The following RNF121 variants were observed in gnomAD, a reference collection of about 807,000 sequenced individuals.
RNF121 encodes the protein E3 ubiquitin ligase RNF121.
Under a neutral mutation model 46.5 loss-of-function variants are expected in RNF121, and 21 were observed. The ratio of observed to expected loss-of-function variants is 0.45; its 90% CI spans 0.32 to 0.65. RNF121 has a LOEUF of 0.65. Ranked by LOEUF, RNF121 falls within the 30% of genes least tolerant of loss-of-function variation. RNF121 has a pLI of 0.04. For missense variants in RNF121, 346 were observed against 416.0 expected (o/e 0.83, Z 1.46); for synonymous variants, 139 against 144.7 (o/e 0.96, Z 0.28).
chr11:71,960,912 C>T (rs374371060), intron 3 of RNF121, 21 bp downstream of exon 3: 3 of 1,610,664 alleles, frequency 1.9e-6, no homozygotes, highest in Non-Finnish European at 8.5e-7. Flanking sequence ...TTGCCTCTTA[C>T]TTCTTTGTCT....
chr11:71,969,856 C>A (rs1016781789), intron 3 of RNF121, among the ~76,000 whole-genome samples: 1 of 152,106 alleles, frequency 6.6e-6, no homozygotes, highest in African/African-American at 2.4e-5. Flanking sequence ...CATGAGCCAC[C>A]GTGCCAAGCC....
chr11:71,950,398 A>G (rs929553569), intron 1 of RNF121, among the ~76,000 whole-genome samples: 5 of 152,080 alleles, frequency 3.3e-5, no homozygotes, highest in Non-Finnish European at 7.3e-5. Context: ...GGCCTGGCCA[A>G]CATGATGAAA....
rs34966470 is a variant in RNF121 at position 71,990,705 on chromosome 11, A to G, written c.615A>G (p.Ala205=). The change falls in exon 6 of 9, where the codon GCA becomes GCG. Residue 205 remains alanine (A), a synonymous_variant. Transcript: ENST00000361756. Reference sequence around the variant, plus strand: ...CAGAAATGTGTGCAGACTACATGGCATCTACCATAGGGGTAAGTTCATCCG... The same window carrying G: ...CAGAAATGTGTGCAGACTACATGGCGTCTACCATAGGGGTAAGTTCATCCG... ...DFAEMCADYM[A]STIGFYSESG... The G allele has an allele frequency of 5.2e-3, 8,417 of 1,614,090 alleles. 410 individuals are homozygous for G. In the African/African-American group the frequency reaches 0.099, roughly 19 times the overall value.
intron 6 of RNF121, 81 bp from the exon 7 acceptor site, chr11:71,994,638 G>A (rs1422453593): frequency 1.9e-6 from 3 of 1,560,530 alleles, no homozygotes; most frequent in African/African-American, 2.7e-5. Context: ...TCTCTAGAAG[G>A]CCTGAGGTCT....
intron 3 of RNF121, among the ~76,000 whole-genome samples, chr11:71,976,277 G>A (rs373661417): frequency 9.3e-5 from 14 of 151,348 alleles, no homozygotes; most frequent in African/African-American, 2.7e-4. Context: ...CCTGATCCTA[G>A]GGTCCCAGAG....
chr11:71,941,843 T>C (rs1332739907), intron 1 of RNF121, among the ~76,000 whole-genome samples: 1 of 152,108 alleles, frequency 6.6e-6, no homozygotes, highest in Admixed American at 6.5e-5. Context: ...TGGTTCTGTA[T>C]GAGGTCAGGG....
chr11:71,973,942 G>A (rs1272651159), intron 3 of RNF121, among the ~76,000 whole-genome samples: 1 of 151,834 alleles, frequency 6.6e-6, no homozygotes, highest in Non-Finnish European at 1.5e-5. Context: ...TTTTTTGTTT[G>A]TTTGTTTGTT....
chr11:71,996,189 T>TTTAA lies in RNF121; in HGVS notation c.864-6_864-5insTTAA. ...ACAGAGTCTCTTTTCTTTAACACAC[T>TTTAA]GACAGCTGGGAGAGGCCTCACGTCA... On this transcript the variant is annotated splice_region_variant and splice_polypyrimidine_tract_variant and intron_variant, in intron 8 of 8. Coordinates refer to ENST00000361756, the MANE Select transcript of RNF121 (RefSeq NM_018320.5). The TTTAA allele has an allele frequency of 6.2e-7, 1 of 1,613,938 alleles. No homozygotes were observed. Among genetic ancestry groups the TTTAA allele is most frequent in the Non-Finnish European group, 8.5e-7 (1 of 1,179,898 alleles).
At chr11:71,943,143 C>T (rs1221367870) in intron 1 of RNF121, among the ~76,000 whole-genome samples, 1 of 152,124 alleles carries the variant, frequency 6.6e-6, no homozygotes, top group Non-Finnish European at 1.5e-5. Context: ...GCAGGGATAG[C>T]AGAGACGATG....
intron 5 of RNF121, among the ~76,000 whole-genome samples, chr11:71,987,418 T>TCACC (rs1237028621): frequency 6.6e-6 from 1 of 152,362 alleles, no homozygotes; most frequent in East Asian, 1.9e-4. Context: ...CATAATTCTA[T>TCACC]CACCTTAACA....
intron 3 of RNF121, among the ~76,000 whole-genome samples, chr11:71,978,540 G>C (rs1347176553): frequency 6.6e-6 from 1 of 152,132 alleles, no homozygotes; most frequent in Admixed American, 6.5e-5. Context: ...TTGCTCCTTT[G>C]TATGTGTGAC....
chr11:71,984,889 G>A (rs1954743030), intron 4 of RNF121, among the ~76,000 whole-genome samples: 1 of 149,294 alleles, frequency 6.7e-6, no homozygotes, highest in Admixed American at 6.8e-5. Flanking sequence ...GCCCAGCCCT[G>A]TAACTAACAT....
chr11:71,933,657 C>T (rs982949408), intron 1 of RNF121, among the ~76,000 whole-genome samples: 3 of 152,144 alleles, frequency 2.0e-5, no homozygotes, highest in Non-Finnish European at 4.4e-5. Context: ...TCCCTCAGCC[C>T]GCTTGTACTT....
At chr11:71,988,101 T>G (rs1394596637) in intron 5 of RNF121, among the ~76,000 whole-genome samples, 3 of 152,222 alleles carry the variant, frequency 2.0e-5, no homozygotes, top group Admixed American at 1.3e-4. Flanking sequence ...TTGTTTTCAA[T>G]TTAGTATTAT....
At chr11:71,968,576 A>G (rs117281243) in intron 3 of RNF121, among the ~76,000 whole-genome samples, 136 of 152,336 alleles carry the variant, frequency 8.9e-4, no homozygotes, top group Non-Finnish European at 1.7e-3. Flanking sequence ...TCTAGAGAGG[A>G]GAAGCAGAGC....
At chr11:71,976,699 G>A (rs1056343843) in intron 3 of RNF121, among the ~76,000 whole-genome samples, 14 of 152,122 alleles carry the variant, frequency 9.2e-5, no homozygotes, top group African/African-American at 2.7e-4. Flanking sequence ...TGTCTTGGCT[G>A]TGTTGGCAGC....
At chr11:71,959,961 T>C (rs1185761892) in intron 2 of RNF121, among the ~76,000 whole-genome samples, 1 of 152,136 alleles carries the variant, frequency 6.6e-6, no homozygotes, top group Non-Finnish European at 1.5e-5. Flanking sequence ...ATTCCTCTCC[T>C]TTGGATGACT....
rs1230114117 is a variant in RNF121 at position 71,997,404 on chromosome 11, G to C, written c.*1089G>C. ...GGTGGGTGAGAACAGGTTCTGAGAG[G>C]GGGCTTCTAGGAAGGCCCCAGCCCT... On this transcript the variant is annotated 3_prime_UTR_variant, in exon 9 of 9. Transcript: ENST00000361756. 1 of 152,058 alleles carries C rather than the reference G, an allele frequency of 6.6e-6. No individual in the cohort carries two copies. The highest frequency in any genetic ancestry group is 2.4e-5 in the African/African-American group (1 of 41,396). 9.4% of individuals were successfully genotyped at this position (152,058 alleles called of 1,614,324 possible).
chr11:71,970,500 A>T (rs896352322), intron 3 of RNF121, among the ~76,000 whole-genome samples: 3 of 152,050 alleles, frequency 2.0e-5, no homozygotes, highest in African/African-American at 2.4e-5. Flanking sequence ...ATTTCTACTA[A>T]AAATTTTAAA....
Sources: allele counts gnomAD v4.1 joint callset (sites outside exome capture counted in the v4.1 genomes callset), GRCh38; gene constraint gnomAD v4.1.1; transcripts MANE v1.5; gene names NCBI Gene and HGNC (gene_info 2026-07-23, HGNC 2026-07-21).